The following SOX6 variants were observed in gnomAD, a reference collection of about 807,000 sequenced individuals.
The protein encoded by SOX6 is transcription factor SOX-6.
In SOX6, 11 loss-of-function variants were observed where a neutral mutation model predicts 97.8. That is an observed-to-expected ratio of 0.11 (90% CI 0.07 to 0.19). SOX6 has a LOEUF of 0.19. SOX6 is among the 10% of genes least tolerant of loss of function. The pLI is 1.00. For missense variants in SOX6, 810 were observed against 1,039.5 expected, an observed-to-expected ratio of 0.78 and a Z score of 3.04; for synonymous variants, 360 against 371.4, an observed-to-expected ratio of 0.97 and a Z score of 0.35.
chr11:16,285,565 A>G (rs1854710664), intron 3 of SOX6, among the ~76,000 whole-genome samples: 1 of 152,112 alleles, frequency 6.6e-6, no homozygotes, highest in African/African-American at 2.4e-5. Context: ...ATATATTTTT[A>G]GAAGGAATTT....
intron 4 of SOX6, among the ~76,000 whole-genome samples, chr11:16,504,429 A>G (rs1190180633): frequency 1.3e-5 from 2 of 152,018 alleles, no homozygotes; most frequent in African/African-American, 2.4e-5. Flanking sequence ...ATCTGAAGTA[A>G]TTCTATGCAC....
intron 1 of SOX6, among the ~76,000 whole-genome samples, chr11:16,389,303 A>T (rs909865409): frequency 5.9e-5 from 9 of 152,114 alleles, no homozygotes; most frequent in African/African-American, 1.9e-4. Flanking sequence ...TTGGTCTCAA[A>T]CTTACTAGTC....
At chr11:16,139,938 C>T (rs1383784054) in intron 6 of SOX6, among the ~76,000 whole-genome samples, 1 of 143,030 alleles carries the variant, frequency 7.0e-6, no homozygotes. Context: ...AAGTAAAAAA[C>T]CTGGCTCATA....
chr11:16,220,911 G>A (rs961738667), intron 4 of SOX6, among the ~76,000 whole-genome samples: 2 of 152,008 alleles, frequency 1.3e-5, no homozygotes, highest in East Asian at 1.9e-4. Context: ...AGATCCAGGG[G>A]AAGAAAGCAA....
chr11:16,702,850 T>C (rs1305344188), intron 3 of SOX6, among the ~76,000 whole-genome samples: 1 of 151,504 alleles, frequency 6.6e-6, no homozygotes, highest in Non-Finnish European at 1.5e-5. Context: ...TTGTATTTTA[T>C]ATCCCAATTG....
chr11:16,317,795 A>C (rs1565088096), intron 3 of SOX6: 1 of 217,090 alleles, frequency 4.6e-6, no homozygotes, highest in Non-Finnish European at 9.5e-6. Flanking sequence ...ACATAGTATA[A>C]CCATCACTTA....
chr11:16,385,011 A>G (rs1204643571), intron 1 of SOX6, among the ~76,000 whole-genome samples: 1 of 152,042 alleles, frequency 6.6e-6, no homozygotes, highest in Non-Finnish European at 1.5e-5. Context: ...CAGAGCTCCA[A>G]TTTTAAAAGA....
At chr11:16,733,632 T>C (rs918571988) in intron 2 of SOX6, among the ~76,000 whole-genome samples, 5 of 149,758 alleles carry the variant, frequency 3.3e-5, no homozygotes, top group African/African-American at 7.4e-5. Context: ...ATGCAGATGA[T>C]GGGTTGATGG....
intron 3 of SOX6, among the ~76,000 whole-genome samples, chr11:16,238,845 G>A (rs1035305625): frequency 2.0e-5 from 3 of 152,022 alleles, no homozygotes; most frequent in African/African-American, 7.2e-5. Context: ...AACAATTACT[G>A]CTGGCTCTAT....
In SOX6 at chr11:16,179,619, G is replaced by A. The variant is rs11023861; in HGVS notation, c.777+4267C>T. On this transcript the variant is annotated intron_variant, in intron 6 of 15. Coordinates refer to ENST00000683767, the MANE Select transcript of SOX6 (RefSeq NM_001367873.1). ...TAATGCATATGTTAAATGATGAGGG[G>A]AGGGCAATGAATATTGCACATTAAT... is the stretch of plus-strand genomic sequence containing the variant. Among the ~76,000 whole-genome samples the A allele has an allele frequency of 2.7e-3, 415 of 151,916 alleles. 3 individuals carry two copies. Among genetic ancestry groups the A allele is most frequent in the Non-Finnish European group, 4.3e-3 (294 of 67,854 alleles).
At chr11:16,462,638 A>G (rs1485881432) in intron 1 of SOX6, among the ~76,000 whole-genome samples, 1 of 152,210 alleles carries the variant, frequency 6.6e-6, no homozygotes, top group African/African-American at 2.4e-5. Context: ...CAATGAAAAA[A>G]ATTAATCAGC....
chr11:16,056,968 A>AAAC (rs1301245591), intron 9 of SOX6, among the ~76,000 whole-genome samples: 3 of 152,180 alleles, frequency 2.0e-5, no homozygotes, highest in South Asian at 2.1e-4. Flanking sequence ...CAAAAAACCA[A>AAAC]AACAACAACA....
At chr11:16,128,661 T>C (rs1426372412) in intron 6 of SOX6, among the ~76,000 whole-genome samples, 1 of 152,210 alleles carries the variant, frequency 6.6e-6, no homozygotes, top group East Asian at 1.9e-4. Context: ...TAGTGAGCTT[T>C]TTCTGAAATA....
intron 10 of SOX6, among the ~76,000 whole-genome samples, chr11:16,054,293 G>A (rs751339390): frequency 4.6e-5 from 7 of 151,454 alleles, no homozygotes; most frequent in South Asian, 4.1e-4. Flanking sequence ...TAACAACTAC[G>A]AGTAAGCAAA....
At chr11:16,074,760 G>A (rs1848311743) in intron 9 of SOX6, among the ~76,000 whole-genome samples, 1 of 152,100 alleles carries the variant, frequency 6.6e-6, no homozygotes, top group African/African-American at 2.4e-5. Flanking sequence ...TCATGGATAG[G>A]ATGACTCAAT....
intron 13 of SOX6, among the ~76,000 whole-genome samples, chr11:16,002,047 C>G (rs540592800): frequency 1.2e-4 from 18 of 152,288 alleles, no homozygotes; most frequent in South Asian, 2.1e-4. Context: ...TTCTATTCTA[C>G]TTAAAGTGTC....
chr11:16,479,483 T>C (rs1424608307), upstream of SOX6, among the ~76,000 whole-genome samples: 2 of 150,996 alleles, frequency 1.3e-5, no homozygotes, highest in Non-Finnish European at 2.9e-5. Flanking sequence ...TGAGCCAAGA[T>C]TGCGTTACTG....
chr11:16,094,637 T>C (rs1197524119), intron 9 of SOX6, among the ~76,000 whole-genome samples: 3 of 151,870 alleles, frequency 2.0e-5, no homozygotes, highest in Admixed American at 2.0e-4. Context: ...TATAAACTTG[T>C]TCCTAATGTC....
intron 3 of SOX6, 55 bp downstream of exon 3, chr11:16,318,391 G>A (rs779681551): frequency 3.9e-6 from 6 of 1,533,272 alleles, no homozygotes; most frequent in South Asian, 2.3e-5. Context: ...TTTTTTTAAG[G>A]CCTGGAATCT....
Sources: gnomAD v4.1 joint callset for allele counts (sites outside exome capture counted in the v4.1 genomes callset) on GRCh38, gnomAD v4.1.1 for gene constraint, MANE v1.5 for transcripts, NCBI Gene and HGNC (gene_info 2026-07-23, HGNC 2026-07-21) for gene names.